TBC1D8: variants seen among roughly 807,000 people sequenced by gnomAD.
The protein encoded by TBC1D8 is BUB2-like protein 1.
In TBC1D8, 65 loss-of-function variants were observed where a neutral mutation model predicts 118.8. That is an observed-to-expected ratio of 0.55 (90% confidence interval 0.45 to 0.67). TBC1D8 has a LOEUF of 0.67. TBC1D8 is among the 30% of genes least tolerant of loss of function. The probability of loss-of-function intolerance (pLI) is 0.00; values close to 1 mark genes in which losing one functional copy is unlikely to be tolerated. For synonymous variants in TBC1D8, 566 were observed against 595.8 expected (o/e 0.95, Z 0.73); for missense variants, 1,376 against 1,471.2 (o/e 0.94, Z 1.06).
intron 1 of TBC1D8, among the ~76,000 whole-genome samples, chr2:101,105,025 C>CA (rs4069926): frequency 0.14 from 16,119 of 115,502 alleles, 1,110 homozygotes; most frequent in East Asian, 0.2. Flanking sequence ...AACTCTATCT[C>CA]AAAAAAAAAA....
chr2:101,008,384 CAG>C lies in TBC1D8; in HGVS notation c.3016-113_3016-112del, dbSNP rs924070255. The C allele has an allele frequency of 8.2e-5, 71 of 867,366 alleles. No homozygotes were observed. In the African/African-American group the frequency reaches 9.7e-4, roughly 12 times the overall value. 53.7% of individuals were successfully genotyped at this position (867,366 alleles called of 1,614,324 possible). On this transcript the variant is annotated intron_variant, in intron 19 of 19. Coordinates refer to ENST00000409318, the MANE Select transcript of TBC1D8 (RefSeq NM_001330348.2). Reference sequence around the variant, plus strand: ...AAACGACACAGTATTTTTGAAGACACAGAATATAAGAAAAGGTAGTCTCTGCC... The same window carrying C: ...AAACGACACAGTATTTTTGAAGACACAATATAAGAAAAGGTAGTCTCTGCC...
chr2:101,073,260 ATTTTT>A (rs111766054), intron 2 of TBC1D8, among the ~76,000 whole-genome samples: 8 of 149,630 alleles, frequency 5.3e-5, no homozygotes, highest in Admixed American at 4.0e-4. Context: ...ACATTGTTTT[ATTTTT>A]TTTATTTTTT....
intron 2 of TBC1D8, among the ~76,000 whole-genome samples, chr2:101,071,052 C>A (rs1271021676): frequency 6.6e-6 from 1 of 151,978 alleles, no homozygotes; most frequent in Non-Finnish European, 1.5e-5. Context: ...AAATTAGCAT[C>A]GGCCAGGCCA....
At position 101,054,089 on chromosome 2, in the gene TBC1D8, C is replaced by G. The variant is rs750137180; in HGVS notation, c.631+19G>C. On this transcript the variant is annotated intron_variant, in intron 4 of 19. Coordinates refer to ENST00000409318, the MANE Select transcript of TBC1D8 (RefSeq NM_001330348.2). ...TGGGGCCAACTTTATCTTGGAAGAGCCTGCCAGGCCTCACTTACGTTCCTT... is the reference window on the plus strand; with the variant it reads ...TGGGGCCAACTTTATCTTGGAAGAGGCTGCCAGGCCTCACTTACGTTCCTT... The G allele has an allele frequency of 1.4e-5, 23 of 1,593,498 alleles. No individual in the cohort carries two copies. The highest frequency in any genetic ancestry group is 8.6e-5 in the Admixed American group (5 of 58,154).
At chr2:101,015,347 G>A (rs1332012347) in intron 17 of TBC1D8, among the ~76,000 whole-genome samples, 1 of 152,162 alleles carries the variant, frequency 6.6e-6, no homozygotes, top group Non-Finnish European at 1.5e-5. Flanking sequence ...GAATATGAAG[G>A]CCTAGGACAT....
chr2:101,036,184 T>C lies in TBC1D8; in HGVS notation c.1453-16A>G, dbSNP rs753240121. Reference sequence around the variant, plus strand: ...GTTCTCTGGACTGGAAATGGGAATATTCTTAATGTACAAAGAAGTCTGTCC... The same window carrying C: ...GTTCTCTGGACTGGAAATGGGAATACTCTTAATGTACAAAGAAGTCTGTCC... On this transcript the variant is annotated splice_polypyrimidine_tract_variant and intron_variant, in intron 8 of 19. Coordinates refer to ENST00000409318, the MANE Select transcript of TBC1D8 (RefSeq NM_001330348.2). The C allele has an allele frequency of 6.2e-7, 1 of 1,611,118 alleles. No individual in the cohort carries two copies. Among genetic ancestry groups the C allele is most frequent in the South Asian group, 1.1e-5 (1 of 91,040 alleles).
At chr2:101,035,021 G>A (rs945619393) in intron 9 of TBC1D8, among the ~76,000 whole-genome samples, 1 of 152,114 alleles carries the variant, frequency 6.6e-6, no homozygotes, top group Non-Finnish European at 1.5e-5. Flanking sequence ...TGGGGGCTGG[G>A]GGGGAGACAG....
intron 17 of TBC1D8, among the ~76,000 whole-genome samples, chr2:101,012,529 A>G (rs1228287101): frequency 6.6e-6 from 1 of 152,152 alleles, no homozygotes; most frequent in Non-Finnish European, 1.5e-5. Context: ...GAAAATGGAT[A>G]CACTGGTAGT....
chr2:101,095,892 G>T (rs757336963), intron 1 of TBC1D8, among the ~76,000 whole-genome samples: 1 of 152,070 alleles, frequency 6.6e-6, no homozygotes, highest in Non-Finnish European at 1.5e-5. Context: ...GAAATCACTT[G>T]TGAAGGTCAC....
At chr2:101,110,747 G>A (rs760604427) in intron 1 of TBC1D8, among the ~76,000 whole-genome samples, 2 of 152,104 alleles carry the variant, frequency 1.3e-5, no homozygotes, top group Non-Finnish European at 2.9e-5. Context: ...GAGGCGGGTG[G>A]ATCACCTGAG....
chr2:101,075,545 C>T (rs767997294), intron 2 of TBC1D8, among the ~76,000 whole-genome samples: 12 of 152,108 alleles, frequency 7.9e-5, no homozygotes, highest in Admixed American at 2.6e-4. Flanking sequence ...AGGGCAGTTT[C>T]CCACATGCTG....
intron 1 of TBC1D8, among the ~76,000 whole-genome samples, chr2:101,125,441 C>G (rs1167699470): frequency 6.6e-6 from 1 of 152,136 alleles, no homozygotes; most frequent in Non-Finnish European, 1.5e-5. Context: ...ACACACAGGC[C>G]TCCTTCCAGA....
intron 15 of TBC1D8, among the ~76,000 whole-genome samples, 181 bp downstream of exon 15, chr2:101,027,202 G>C (rs1029316373): frequency 6.6e-6 from 1 of 152,282 alleles, no homozygotes; most frequent in East Asian, 1.9e-4. Context: ...GGTGGAGGGT[G>C]GGGAGAGAGG....
At position 101,149,284 on chromosome 2, in the gene TBC1D8, G is replaced by A. The variant is rs148779941; in HGVS notation, c.127+1843C>T. 2.6e-5 allele frequency among the ~76,000 whole-genome samples: 4 copies of A among 152,278 alleles called. No individual in the cohort carries two copies. In the East Asian group the frequency reaches 7.7e-4, roughly 29 times the overall value. On this transcript the variant is annotated intron_variant, in intron 1 of 19. Transcript: ENST00000409318. ...GCTTGATTTTGGAATGAAACAGGGA[G>A]GGAATTCACTGAGTTCATCACAGAG...
chr2:101,124,090 G>A (rs770617649), intron 1 of TBC1D8, among the ~76,000 whole-genome samples: 1 of 152,192 alleles, frequency 6.6e-6, no homozygotes, highest in African/African-American at 2.4e-5. Context: ...GGCTCCTGGA[G>A]TAAGAACTGA....
intron 9 of TBC1D8, 50 bp downstream of exon 9, chr2:101,035,968 G>A: frequency 6.2e-7 from 1 of 1,604,388 alleles, no homozygotes; most frequent in Non-Finnish European, 8.5e-7. Context: ...GGCTGTTCCT[G>A]TGTCCATGAC....
intron 2 of TBC1D8, among the ~76,000 whole-genome samples, chr2:101,069,401 A>G (rs2105434504): frequency 6.6e-6 from 1 of 152,072 alleles, no homozygotes; most frequent in East Asian, 1.9e-4. Context: ...AGCCTGACCA[A>G]CATGGAGAAA....
At position 101,125,839 on chromosome 2, in the gene TBC1D8, C is replaced by T. The variant is rs370424599; in HGVS notation, c.127+25288G>A. Reference sequence around the variant, plus strand: ...CACGCATTAAATTCAGAAACATTCCCGAACTTCATTTGAGTTCTTAGCTCT... The same window carrying T: ...CACGCATTAAATTCAGAAACATTCCTGAACTTCATTTGAGTTCTTAGCTCT... On this transcript the variant is annotated intron_variant, in intron 1 of 19. Transcript: ENST00000409318. 3.5e-4 allele frequency among the ~76,000 whole-genome samples: 54 copies of T among 152,152 alleles called. 1 individual carries two copies. Among genetic ancestry groups the T allele is most frequent in the Admixed American group, 1.2e-3 (19 of 15,280 alleles).
chr2:101,027,306 G>A lies in TBC1D8; in HGVS notation c.2520+77C>T, dbSNP rs1020628991. ...GGAGCCCTGCAGGCAGCTGCATGCT[G>A]TCCCCTGGGCAGGCTGGGCACCGCG... is the stretch of plus-strand genomic sequence containing the variant. On this transcript the variant is annotated intron_variant, in intron 15 of 19. Coordinates refer to ENST00000409318, the MANE Select transcript of TBC1D8 (RefSeq NM_001330348.2). 24 of 1,365,880 alleles carry A rather than the reference G, an allele frequency of 1.8e-5. No individual in the cohort carries two copies. The African/African-American group carries it at 3.2e-4, about 18-fold the overall frequency. The allele number at this position is 1,365,880 out of a possible 1,614,324, so 84.6% of individuals were successfully genotyped here.
Sources: gnomAD v4.1 joint callset for allele counts (sites outside exome capture counted in the v4.1 genomes callset) on GRCh38, gnomAD v4.1.1 for gene constraint, MANE v1.5 for transcripts, NCBI Gene and HGNC (gene_info 2026-07-23, HGNC 2026-07-21) for gene names.